Variants in KIRREL3 observed in about 807,000 individuals in gnomAD.
KIRREL3 encodes kirre like nephrin family adhesion molecule 3.
Under a neutral mutation model 89.7 loss-of-function variants are expected in KIRREL3, and 36 were observed. The observed-to-expected ratio is 0.40, with a 90% CI of 0.31 to 0.53. The LOEUF is 0.53. KIRREL3 is among the 20% of genes least tolerant of loss of function. The pLI is 0.49. For synonymous variants in KIRREL3, 445 were observed against 441.4 expected (o/e 1.01, Z -0.10); for missense variants, 864 against 1,056.6 (o/e 0.82, Z 2.53).
In KIRREL3 at chr11:126,947,299, C is replaced by T. The variant is rs536231488; in HGVS notation, c.55+53156G>A. Among the ~76,000 whole-genome samples, 7 of 152,344 alleles carry T rather than the reference C, an allele frequency of 4.6e-5. No individual in the cohort carries two copies. The South Asian group carries it at 1.4e-3, about 32-fold the overall frequency. On this transcript the variant is annotated intron_variant, in intron 1 of 16. Coordinates refer to ENST00000525144, the MANE Select transcript of KIRREL3 (RefSeq NM_032531.4). ...CTTCCACTCTTTGCTCTCTCCTTCA[C>T]CTCTCCTATAACTCTGCAAAAGATC...
At chr11:126,467,244 C>T (rs1020506089) in intron 5 of KIRREL3, among the ~76,000 whole-genome samples, 3 of 152,302 alleles carry the variant, frequency 2.0e-5, no homozygotes, top group Admixed American at 6.5e-5. Flanking sequence ...GGCTGTGCAC[C>T]CACCCCCACT....
intron 2 of KIRREL3, among the ~76,000 whole-genome samples, chr11:126,554,783 A>G (rs1939575794): frequency 6.6e-6 from 1 of 152,056 alleles, no homozygotes; most frequent in Non-Finnish European, 1.5e-5. Context: ...AGGTGACTCA[A>G]TTTTTCTCCC....
intron 1 of KIRREL3, among the ~76,000 whole-genome samples, chr11:126,613,893 T>TTTTTTTTTTTTTTTTTTTTTTTTTTG (rs371748740): frequency 1.7e-5 from 2 of 118,644 alleles, no homozygotes; most frequent in Non-Finnish European, 1.7e-5. Context: ...TTTTTTTTTT[T>TTTTTTTTTTTTTTTTTTTTTTTTTTG]ATTTTTTTCC....
chr11:126,692,475 G>T (rs1463579963), intron 1 of KIRREL3, among the ~76,000 whole-genome samples: 1 of 148,934 alleles, frequency 6.7e-6, no homozygotes, highest in African/African-American at 2.5e-5. Context: ...AACCCATGAG[G>T]CGGAGGTTGC....
In KIRREL3 at chr11:126,952,295, G is replaced by T. The variant is rs369034400; in HGVS notation, c.55+48160C>A. ...CAGCTACTAGGAGGCTGAGGCAGGA[G>T]AATCTGTTGAACCTGGGAGGTGGAG... On this transcript the variant is annotated intron_variant, in intron 1 of 16. Transcript: ENST00000525144. Among the ~76,000 whole-genome samples the T allele has an allele frequency of 1.9e-3, 287 of 152,260 alleles. 1 individual carries two copies. Among genetic ancestry groups the T allele is most frequent in the African/African-American group, 6.4e-3 (267 of 41,558 alleles).
At chr11:126,450,960 CGTGTGCATGCATGGGT>C (rs1001625452) in intron 7 of KIRREL3, among the ~76,000 whole-genome samples, 1 of 126,472 alleles carries the variant, frequency 7.9e-6, no homozygotes, top group Non-Finnish European at 1.7e-5. Flanking sequence ...CATGTGTGAG[CGTGTGCATGCATGGGT>C]GTGTGCATGT....
intron 1 of KIRREL3, among the ~76,000 whole-genome samples, chr11:126,804,228 A>G (rs1435983753): frequency 6.6e-6 from 1 of 152,194 alleles, no homozygotes; most frequent in Non-Finnish European, 1.5e-5. Context: ...TCTGTGAAGG[A>G]AATTACAGTT....
At chr11:126,919,755 A>G (rs961711418) in intron 1 of KIRREL3, among the ~76,000 whole-genome samples, 6 of 152,232 alleles carry the variant, frequency 3.9e-5, no homozygotes, top group African/African-American at 1.4e-4. Context: ...ATAGGTGTGC[A>G]TGACTTTCAG....
At position 126,715,958 on chromosome 11, in the gene KIRREL3, A is replaced by G. The variant is rs1213879261; in HGVS notation, c.56-153046T>C. Among the ~76,000 whole-genome samples, 3 of 152,078 alleles carry G rather than the reference A, an allele frequency of 2.0e-5. No homozygotes were observed. Among genetic ancestry groups the G allele is most frequent in the Non-Finnish European group, 2.9e-5 (2 of 68,018 alleles). On this transcript the variant is annotated intron_variant, in intron 1 of 16. Coordinates refer to ENST00000525144, the MANE Select transcript of KIRREL3 (RefSeq NM_032531.4). This position sits in a 1 kb window ranked among gnomAD's most constrained non-coding sequence, Gnocchi z 4.4. ...AGGATGCAATTTATCTTCAGAGAGTACCCTCCATACACCCAATGTTAGTTC... is the reference window on the plus strand; with the variant it reads ...AGGATGCAATTTATCTTCAGAGAGTGCCCTCCATACACCCAATGTTAGTTC...
rs1249523156 is a variant in KIRREL3, at chr11:126,522,271, CA to C, written c.284-808del. 1.8e-4 allele frequency among the ~76,000 whole-genome samples: 28 copies of C among 152,126 alleles called. No homozygotes were observed. Among genetic ancestry groups the C allele is most frequent in the South Asian group, 1.5e-3 (7 of 4,804 alleles). Reference sequence around the variant, plus strand: ...ACAGAGAGACCCAGGCTGAGAATTACAGAGAGAAGACAGTCAGAGAGAGAAG... The same window carrying C: ...ACAGAGAGACCCAGGCTGAGAATTACGAGAGAAGACAGTCAGAGAGAGAAG... On this transcript the variant is annotated intron_variant, in intron 3 of 16. Coordinates refer to ENST00000525144, the MANE Select transcript of KIRREL3 (RefSeq NM_032531.4). This position sits in a 1 kb window ranked among gnomAD's most constrained non-coding sequence, Gnocchi z 6.0.
At chr11:126,556,031 C>T (rs560379297) in intron 2 of KIRREL3, among the ~76,000 whole-genome samples, 24 of 152,286 alleles carry the variant, frequency 1.6e-4, no homozygotes, top group East Asian at 1.4e-3. Context: ...CGTGAGCCAC[C>T]GTGCCCGGCC....
rs1183748249 is a variant in KIRREL3, at chr11:126,708,575, G to A, written c.56-145663C>T. Among the ~76,000 whole-genome samples the A allele has an allele frequency of 6.6e-6, 1 of 152,142 alleles. No individual in the cohort carries two copies. Among genetic ancestry groups the A allele is most frequent in the Admixed American group, 6.5e-5 (1 of 15,278 alleles). On this transcript the variant is annotated intron_variant, in intron 1 of 16. Transcript: ENST00000525144. The surrounding 1 kb of genome is among the most constrained non-coding windows in gnomAD (Gnocchi z 5.7). Reference sequence around the variant, plus strand: ...TTAACAAGTTGCTGTTCCGACGTGGGCTCCGGGGTGGGGAAGGAAGGAGGG... The same window carrying A: ...TTAACAAGTTGCTGTTCCGACGTGGACTCCGGGGTGGGGAAGGAAGGAGGG...
rs1484938427 is a variant in KIRREL3 at position 126,431,598 on chromosome 11, G to A, written c.1589-72C>T. 24 of 1,444,876 alleles carry A rather than the reference G, an allele frequency of 1.7e-5. No individual in the cohort carries two copies. The highest frequency in any genetic ancestry group is 7.0e-5 in the African/African-American group (5 of 71,782). 89.5% of individuals were successfully genotyped at this position (1,444,876 alleles called of 1,614,324 possible). On this transcript the variant is annotated intron_variant, in intron 13 of 16. Transcript: ENST00000525144. This position sits in a 1 kb window ranked among gnomAD's most constrained non-coding sequence, Gnocchi z 7.1. Reference sequence around the variant, plus strand: ...TACTATCCCCCCATGATCTCACCCCGTTCCTGCGGGGGCAGCCCCTGCCAC... The same window carrying A: ...TACTATCCCCCCATGATCTCACCCCATTCCTGCGGGGGCAGCCCCTGCCAC...
chr11:126,681,938 G>T, intron 1 of KIRREL3: 1 of 453,696 alleles, frequency 2.2e-6, no homozygotes, highest in Non-Finnish European at 4.4e-6. Context: ...GAATTTTTCA[G>T]CAACAGATTT....
chr11:126,712,405 C>G (rs1356732061), intron 1 of KIRREL3, among the ~76,000 whole-genome samples: 1 of 152,182 alleles, frequency 6.6e-6, no homozygotes. Context: ...CCCTCTGCCC[C>G]GTTGGTGCTG....
In KIRREL3 at chr11:126,436,982, C is replaced by A; in HGVS notation, c.1381G>T (p.Glu461Ter). 1 of 1,567,410 alleles carries A rather than the reference C, an allele frequency of 6.4e-7. No homozygotes were observed. The part of the protein sequence containing the change: ...IAWSWKENVL[E>*]SGTSGRYTVE... Reference sequence around the variant, plus strand: ...GTATAGCGCCCCGATGTGCCCGACTCCAGAACGTTCTCCTTCCAGGACCAG... The same window carrying A: ...GTATAGCGCCCCGATGTGCCCGACTACAGAACGTTCTCCTTCCAGGACCAG... Residue 461 changes from glutamate (E) to a stop codon, truncating the protein, a stop_gained, in exon 12 of 17, where the codon GAG (glutamate) becomes TAG (stop). Transcript: ENST00000525144. LOFTEE classifies it high-confidence loss of function.
intron 2 of KIRREL3, among the ~76,000 whole-genome samples, chr11:126,532,370 A>ATATT (rs56217819): frequency 0.054 from 8,227 of 151,326 alleles, 297 homozygotes; most frequent in South Asian, 0.11. Context: ...ATCTATTTTT[A>ATATT]TATTTATTTA....
In KIRREL3 at chr11:126,780,642, C is replaced by T. The variant is rs1386610348; in HGVS notation, c.56-217730G>A. Among the ~76,000 whole-genome samples the T allele has an allele frequency of 2.0e-5, 3 of 152,138 alleles. No individual in the cohort carries two copies. On this transcript the variant is annotated intron_variant, in intron 1 of 16. Transcript: ENST00000525144. The surrounding 1 kb of genome is among the most constrained non-coding windows in gnomAD (Gnocchi z 5.3). ...CGAGTACCCAGAGGTGCCCAGATGC[C>T]CACATCTGGCAACAGATCCATCTCC...
intron 1 of KIRREL3, among the ~76,000 whole-genome samples, chr11:126,657,553 T>C (rs568483632): frequency 6.6e-6 from 1 of 152,298 alleles, no homozygotes; most frequent in Non-Finnish European, 1.5e-5. Flanking sequence ...TCATTCCTCT[T>C]CTCACCCAGT....
Sources: gnomAD v4.1 joint callset for allele counts (sites outside exome capture counted in the v4.1 genomes callset) on GRCh38, gnomAD v4.1.1 for gene constraint, Gnocchi (gnomAD v3.1) non-coding constraint, MANE v1.5 for transcripts, NCBI Gene and HGNC (gene_info 2026-07-23, HGNC 2026-07-21) for gene names.